Variants in ITGB3 observed in about 807,000 individuals in gnomAD.
The protein encoded by ITGB3 is integrin beta-3.
A neutral mutation model predicts 85.8 loss-of-function variants in ITGB3; 48 were observed. That is an observed-to-expected ratio of 0.56 (90% CI 0.44 to 0.71). ITGB3 has a LOEUF of 0.71. Ranked by LOEUF, ITGB3 falls within the 30% of genes least tolerant of loss-of-function variation. The pLI is 0.00. For missense variants in ITGB3, 861 were observed against 1,019.1 expected (o/e 0.84, Z 2.11); for synonymous variants, 363 against 395.6 (o/e 0.92, Z 0.98).
chr17:47,300,437 G>T (rs183770533), intron 11 of ITGB3, 41 bp from the exon 12 acceptor site: 3 of 1,459,852 alleles, frequency 2.1e-6, no homozygotes, highest in Non-Finnish European at 2.9e-6. Flanking sequence ...GCTTAGGCTT[G>T]CTCCTTCTTT....
chr17:47,286,180 G>T lies in ITGB3; in HGVS notation c.615-80G>T, dbSNP rs35265764. 160,185 of 1,510,308 alleles carry T rather than the reference G, an allele frequency of 0.11. 9,245 individuals are homozygous for T. Among genetic ancestry groups the T allele is most frequent in the East Asian group, 0.23 (10,250 of 44,348 alleles). The allele number at this position is 1,510,308 out of a possible 1,614,324, so 93.6% of individuals were successfully genotyped here. On this transcript the variant is annotated intron_variant, in intron 4 of 14. Coordinates refer to ENST00000559488, the MANE Select transcript of ITGB3 (RefSeq NM_000212.3). ...CCTTGGCATACCACTATCTATATTT[G>T]TCCCCTCTCTTTCCTCCCAATTCCC...
At chr17:47,285,921 T>C (rs748313447) in intron 4 of ITGB3, among the ~76,000 whole-genome samples, 1 of 152,172 alleles carries the variant, frequency 6.6e-6, no homozygotes, top group Non-Finnish European at 1.5e-5. Context: ...TCACAACTCT[T>C]ATGGGATATG....
In ITGB3 at chr17:47,310,136, C is replaced by T; in HGVS notation, c.2302-3C>T. 1.2e-6 allele frequency: 2 copies of T among 1,613,712 alleles called. No homozygotes were observed. Among genetic ancestry groups the T allele is most frequent in the South Asian group, 1.1e-5 (1 of 91,058 alleles). On this transcript the variant is annotated splice_polypyrimidine_tract_variant and splice_region_variant and intron_variant, in intron 14 of 14. Coordinates refer to ENST00000559488, the MANE Select transcript of ITGB3 (RefSeq NM_000212.3). ...GTAAGATGCTATTCTGTTTCCTCCA[C>T]AGGCCAACAACCCACTGTATAAAGA...
intron 10 of ITGB3, among the ~76,000 whole-genome samples, chr17:47,297,125 GC>G (rs2065148712): frequency 1.3e-5 from 2 of 152,088 alleles, no homozygotes; most frequent in East Asian, 3.8e-4. Context: ...GTTGGTTAAG[GC>G]CATTTTCTCT....
chr17:47,313,269 C>T lies in ITGB3; in HGVS notation c.*3065C>T, dbSNP rs745829993. Among the ~76,000 whole-genome samples the T allele has an allele frequency of 2.0e-5, 3 of 151,886 alleles. No individual in the cohort carries two copies. The highest frequency in any genetic ancestry group is 4.4e-5 in the Non-Finnish European group (3 of 67,994). Reference sequence around the variant, plus strand: ...GATTACAAGTGTGAAGCACTGTGCCCGGCCAGTCATCCATGATTTTAATGG... The same window carrying T: ...GATTACAAGTGTGAAGCACTGTGCCTGGCCAGTCATCCATGATTTTAATGG... On this transcript the variant is annotated 3_prime_UTR_variant, in exon 15 of 15. Coordinates refer to ENST00000559488, the MANE Select transcript of ITGB3 (RefSeq NM_000212.3).
chr17:47,309,803 G>A (rs1009385817), intron 14 of ITGB3, among the ~76,000 whole-genome samples: 1 of 151,606 alleles, frequency 6.6e-6, no homozygotes, highest in African/African-American at 2.4e-5. Context: ...GCTGAGGTGG[G>A]AGGATGTCTT....
Position 47,253,934 on chromosome 17 carries a change from G to T in ITGB3, c.73G>T (p.Val25Leu). The change falls in exon 1 of 15, where the codon GTA becomes TTA. Residue 25 changes from valine to leucine, a missense_variant. Val to Leu is a conservative substitution (Grantham distance 32, BLOSUM62 1). Coordinates refer to ENST00000559488, the MANE Select transcript of ITGB3 (RefSeq NM_000212.3). ...LALGALAGVG[V>L]GGPNICTTRG... ...GCTGGGGGCGCTGGCGGGCGTTGGC[G>T]TAGGAGGTGAGTGAGGCTCCGGCTC... 7.0e-7 allele frequency: 1 copy of T among 1,419,074 alleles called. No individual in the cohort carries two copies. The highest frequency in any genetic ancestry group is 9.3e-7 in the Non-Finnish European group (1 of 1,080,560). 87.9% of individuals were successfully genotyped at this position (1,419,074 alleles called of 1,614,324 possible).
At chr17:47,259,015 G>A (rs184864621) in intron 1 of ITGB3, among the ~76,000 whole-genome samples, 70 of 152,292 alleles carry the variant, frequency 4.6e-4, no homozygotes, top group African/African-American at 1.0e-3. Flanking sequence ...CAGTGGGACT[G>A]GATCCGTTAA....
chr17:47,265,394 C>T (rs775267529), intron 1 of ITGB3, among the ~76,000 whole-genome samples: 1 of 152,176 alleles, frequency 6.6e-6, no homozygotes, highest in Non-Finnish European at 1.5e-5. Flanking sequence ...TGTCAGCAGG[C>T]CCATGGTCCC....
At chr17:47,303,840 T>C (rs2143140747) in intron 13 of ITGB3, 1 of 152,334 alleles carries the variant, frequency 6.6e-6, no homozygotes, top group South Asian at 2.1e-4. Flanking sequence ...TCACTGCCAG[T>C]AGACCCCTTC....
intron 1 of ITGB3, among the ~76,000 whole-genome samples, chr17:47,269,278 C>T (rs78857323): frequency 0.019 from 2,893 of 152,294 alleles, 42 homozygotes; most frequent in Non-Finnish European, 0.026. Flanking sequence ...TTCAGCTCCT[C>T]GTTACTTATT....
intron 6 of ITGB3, among the ~76,000 whole-genome samples, chr17:47,289,255 T>C (rs1394792679): frequency 6.6e-6 from 1 of 152,194 alleles, no homozygotes; most frequent in African/African-American, 2.4e-5. Context: ...ACCACTGGCC[T>C]GTACCTCTTC....
At chr17:47,296,224 CTTGGG>C (rs1454321423) in intron 10 of ITGB3, among the ~76,000 whole-genome samples, 1 of 152,170 alleles carries the variant, frequency 6.6e-6, no homozygotes, top group Non-Finnish European at 1.5e-5. Flanking sequence ...GCTGGGGCAG[CTTGGG>C]TTATGTCCGC....
chr17:47,301,153 A>G (rs1192570409), intron 12 of ITGB3, among the ~76,000 whole-genome samples: 1 of 152,208 alleles, frequency 6.6e-6, no homozygotes, highest in Non-Finnish European at 1.5e-5. Flanking sequence ...GGAGAAAAAA[A>G]ATCTTGCCTG....
intron 6 of ITGB3, among the ~76,000 whole-genome samples, chr17:47,288,791 C>T (rs187868840): frequency 3.6e-3 from 554 of 152,294 alleles, no homozygotes; most frequent in Non-Finnish European, 6.2e-3. Flanking sequence ...ATGGTTCTAT[C>T]CTTGGGGAGT....
At chr17:47,260,947 C>G (rs2065007048) in intron 1 of ITGB3, among the ~76,000 whole-genome samples, 1 of 152,138 alleles carries the variant, frequency 6.6e-6, no homozygotes, top group Non-Finnish European at 1.5e-5. Context: ...CATTACCTCA[C>G]ATACATACTT....
Position 47,292,491 on chromosome 17 carries a change from A to G in ITGB3, c.1613A>G (p.Asp538Gly). ...GGTCAATGTGTCTGCCACAGCAGTG[A>G]CTTTGGCAAGATCACGGGCAAGTAC... The part of the protein sequence containing the change: ...LCGQCVCHSS[D>G]FGKITGKYCE... The change falls in exon 10 of 15, where the codon GAC becomes GGC. Residue 538 changes from aspartate (D) to glycine (G), a missense_variant. Physicochemically the swap from Asp to Gly is moderately conservative, Grantham distance 94 (BLOSUM62 -1). Transcript: ENST00000559488. 6.2e-7 allele frequency: 1 copy of G among 1,610,304 alleles called. No homozygotes were observed. The highest frequency in any genetic ancestry group is 1.3e-5 in the African/African-American group (1 of 75,038).
chr17:47,265,885 CTT>C (rs1319075539), intron 1 of ITGB3, among the ~76,000 whole-genome samples: 1 of 152,114 alleles, frequency 6.6e-6, no homozygotes, highest in Non-Finnish European at 1.5e-5. Flanking sequence ...TTCTCTACTG[CTT>C]TGGGTGATGC....
chr17:47,277,006 G>T (rs1262003798), intron 2 of ITGB3, among the ~76,000 whole-genome samples: 1 of 152,126 alleles, frequency 6.6e-6, no homozygotes, highest in Non-Finnish European at 1.5e-5. Context: ...CTAGAGGACC[G>T]GAGCTCTTGG....
Sources: allele counts gnomAD v4.1 joint callset (sites outside exome capture counted in the v4.1 genomes callset), GRCh38; gene constraint gnomAD v4.1.1; transcripts MANE v1.5; gene names NCBI Gene and HGNC (gene_info 2026-07-23, HGNC 2026-07-21).